MINK1: variants seen among roughly 807,000 people sequenced by gnomAD.
MINK1 encodes misshapen like kinase 1, also known as misshapen-like kinase 1.
Under a neutral mutation model 178.4 loss-of-function variants are expected in MINK1, and 46 were observed. The ratio of observed to expected loss-of-function variants is 0.26; its 90% CI spans 0.20 to 0.33. The LOEUF (loss-of-function observed/expected upper bound fraction) is 0.33. MINK1 is among the 10% of genes least tolerant of loss of function. The pLI, the probability that MINK1 is intolerant of heterozygous loss-of-function variation, is 1.00. For synonymous variants in MINK1, 797 were observed against 709.7 expected (o/e 1.12, Z -1.96); for missense variants, 1,366 against 1,814.9 (o/e 0.75, Z 4.49).
chr17:4,892,692 A>T lies in MINK1; in HGVS notation c.2235A>T (p.Glu745Asp). 2 of 1,611,488 alleles carry T rather than the reference A, an allele frequency of 1.2e-6. No individual in the cohort carries two copies. The highest frequency in any genetic ancestry group is 1.7e-6 in the Non-Finnish European group (2 of 1,179,210). ...TCAGGAGGAGCGACCCTGGCTGGGA[A>T]CGCTCGGACAGCGTCCTTCCAGCCT... ...PDLRRSDPGW[E>D]RSDSVLPASH... Residue 745 changes from glutamate to aspartate, a missense_variant, in exon 19 of 32, where the codon GAA (glutamate) becomes GAT (aspartate). By Grantham distance (45) the Glu-to-Asp change is conservative (BLOSUM62 2). This residue lies in a region of MINK1 where 709 missense variants were observed against 692.3 expected (regional missense o/e 1.02). Coordinates refer to ENST00000355280, the MANE Select transcript of MINK1 (RefSeq NM_153827.5).
chr17:4,894,837 G>T lies in MINK1; in HGVS notation c.2917+204G>T. On this transcript the variant is annotated intron_variant, in intron 24 of 31. Transcript: ENST00000355280. The surrounding 1 kb of genome is among the most constrained non-coding windows in gnomAD (Gnocchi z 4.1). ...CACAGGACAGGAAATGCTCAGAGTT[G>T]CCAGGGGACCTGGGCAAAGACTCAA... The T allele has an allele frequency of 3.1e-6, 2 of 638,996 alleles. No individual in the cohort carries two copies. Among genetic ancestry groups the T allele is most frequent in the Non-Finnish European group, 5.4e-6 (2 of 371,508 alleles). The allele number at this position is 638,996 out of a possible 1,614,324, so 39.6% of individuals were successfully genotyped here.
At chr17:4,875,450 G>T in intron 1 of MINK1, 1 of 453,536 alleles carries the variant, frequency 2.2e-6, no homozygotes, top group Non-Finnish European at 4.4e-6. Context: ...ACTCCCACCT[G>T]GGCAACAGAG....
In MINK1 at chr17:4,893,202, A is replaced by G. The variant is rs931751849; in HGVS notation, c.2400+135A>G. On this transcript the variant is annotated intron_variant, in intron 20 of 31. Coordinates refer to ENST00000355280, the MANE Select transcript of MINK1 (RefSeq NM_153827.5). ...GGGGATGGAGGGACTGGTGCTTCTC[A>G]TGGTGCTAACCTTTCCTAACCTCTC... 9 of 1,560,918 alleles carry G rather than the reference A, an allele frequency of 5.8e-6. No individual in the cohort carries two copies. The African/African-American group carries it at 9.5e-5, about 16-fold the overall frequency.
intron 15 of MINK1, 135 bp downstream of exon 15, chr17:4,891,259 G>GT: frequency 8.6e-7 from 1 of 1,163,290 alleles, no homozygotes; most frequent in Non-Finnish European, 1.2e-6. Flanking sequence ...ACAGAGCACA[G>GT]GCTTTGTGGA....
intron 1 of MINK1, among the ~76,000 whole-genome samples, chr17:4,860,376 T>G (rs1913971793): frequency 6.6e-6 from 1 of 152,208 alleles, no homozygotes; most frequent in South Asian, 2.1e-4. Context: ...CCCACAGCCT[T>G]GGCTCACGCT....
At chr17:4,866,225 T>C (rs549796854) in intron 1 of MINK1, among the ~76,000 whole-genome samples, 21 of 151,908 alleles carry the variant, frequency 1.4e-4, no homozygotes, top group Admixed American at 5.9e-4. Flanking sequence ...CCCAGCACTT[T>C]GGGAGGCCAA....
intron 1 of MINK1, chr17:4,875,525 C>T: frequency 2.2e-6 from 1 of 452,862 alleles, no homozygotes; most frequent in South Asian, 1.6e-5. Context: ...GTAATCCCAA[C>T]ACCTTGGGAG....
At chr17:4,883,979 A>G (rs1967961771) in intron 4 of MINK1, among the ~76,000 whole-genome samples, 2 of 151,586 alleles carry the variant, frequency 1.3e-5, no homozygotes, top group Admixed American at 1.3e-4. Context: ...CTCCTACTCT[A>G]AACCCAGCCC....
At chr17:4,857,223 TG>T in intron 1 of MINK1, 1 of 316,336 alleles carries the variant, frequency 3.2e-6, no homozygotes, top group South Asian at 2.8e-5. Context: ...GGACTTCATG[TG>T]GATCAGCTCT....
intron 1 of MINK1, among the ~76,000 whole-genome samples, chr17:4,875,928 T>C (rs1012950220): frequency 3.3e-5 from 5 of 151,160 alleles, no homozygotes; most frequent in African/African-American, 1.2e-4. Context: ...CCCGAGTAGC[T>C]GTGAATATAG....
intron 1 of MINK1, among the ~76,000 whole-genome samples, chr17:4,855,188 C>CT (rs1912827110): frequency 1.2e-5 from 1 of 86,164 alleles, no homozygotes; most frequent in African/African-American, 3.2e-5. Context: ...ACACTCCTGT[C>CT]TTAAAAAAAA....
At chr17:4,873,727 TC>T (rs1966920518) in intron 1 of MINK1, among the ~76,000 whole-genome samples, 1 of 150,920 alleles carries the variant, frequency 6.6e-6, no homozygotes, top group South Asian at 2.1e-4. Context: ...CAAGCGATTC[TC>T]CTGCCTCAGC....
Position 4,896,938 on chromosome 17 carries a change from A to G in MINK1, c.3915+125A>G, listed in dbSNP as rs2586531. 0.82 allele frequency: 1,093,829 copies of G among 1,328,014 alleles called. 451,722 individuals carry two copies. Among genetic ancestry groups the G allele is most frequent in the East Asian group, 1 (39,207 of 39,282 alleles). 82.3% of individuals were successfully genotyped at this position (1,328,014 alleles called of 1,614,324 possible). ...TGAAAGCGGGCCCCTCTGGGAGCTC[A>G]GAGGGCAGTCAGCCACTACCACTGC... On this transcript the variant is annotated intron_variant, in intron 31 of 31. Transcript: ENST00000355280. The surrounding 1 kb of genome is among the most constrained non-coding windows in gnomAD (Gnocchi z 4.6).
In MINK1 at chr17:4,840,318, C is replaced by G. The variant is rs564664660; in HGVS notation, c.57+6678C>G. 1.1e-4 allele frequency among the ~76,000 whole-genome samples: 16 copies of G among 152,182 alleles called. No homozygotes were observed. In the South Asian group the frequency reaches 3.3e-3, roughly 32 times the overall value. On this transcript the variant is annotated intron_variant, in intron 1 of 31. Coordinates refer to ENST00000355280, the MANE Select transcript of MINK1 (RefSeq NM_153827.5). Reference sequence around the variant, plus strand: ...TGGTCAACAATTGAGGGCAAGAAGCCTGAGGATGGGGTGGAAACTCCAGGC... The same window carrying G: ...TGGTCAACAATTGAGGGCAAGAAGCGTGAGGATGGGGTGGAAACTCCAGGC...
chr17:4,861,255 T>C (rs1318317004), intron 1 of MINK1, among the ~76,000 whole-genome samples: 2 of 152,232 alleles, frequency 1.3e-5, no homozygotes, highest in East Asian at 3.8e-4. Context: ...TTGCATTGTA[T>C]GCGGAGCTGC....
chr17:4,889,393 G>T (rs1968540924), intron 12 of MINK1, among the ~76,000 whole-genome samples: 1 of 152,134 alleles, frequency 6.6e-6, no homozygotes, highest in Non-Finnish European at 1.5e-5. Flanking sequence ...AGTGGAAGGT[G>T]TTGTCTAGCT....
intron 4 of MINK1, among the ~76,000 whole-genome samples, chr17:4,881,638 A>G (rs956336213): frequency 1.3e-5 from 2 of 152,240 alleles, no homozygotes; most frequent in Non-Finnish European, 2.9e-5. Context: ...CTCCTGGGAA[A>G]GCAACAGAAC....
At chr17:4,872,352 G>T (rs1915955770) in intron 1 of MINK1, among the ~76,000 whole-genome samples, 1 of 150,774 alleles carries the variant, frequency 6.6e-6, no homozygotes, top group Non-Finnish European at 1.5e-5. Context: ...AAAAAGGATG[G>T]ACAGAGTCAG....
chr17:4,892,393 C>G lies in MINK1; in HGVS notation c.2088-9C>G. The G allele has an allele frequency of 6.5e-7, 1 of 1,550,090 alleles. No individual in the cohort carries two copies. On this transcript the variant is annotated splice_polypyrimidine_tract_variant and intron_variant, in intron 17 of 31. Coordinates refer to ENST00000355280, the MANE Select transcript of MINK1 (RefSeq NM_153827.5). ...CCGCCCCCTCGGCACCCCTGTGCTC[C>G]CTTCACAGACCTCGCAGCAACTCCG...
Sources: allele counts gnomAD v4.1 joint callset (sites outside exome capture counted in the v4.1 genomes callset), GRCh38; gene constraint gnomAD v4.1.1; regional missense constraint gnomAD v4.1.1; non-coding constraint Gnocchi (gnomAD v3.1); transcripts MANE v1.5; gene names NCBI Gene and HGNC (gene_info 2026-07-23, HGNC 2026-07-21).